The following ZBTB1 variants were observed in gnomAD, a reference collection of about 807,000 sequenced individuals.
ZBTB1 encodes the protein zinc finger and BTB domain containing 1, also known as zinc finger and BTB domain-containing protein 1.
In ZBTB1, 13 loss-of-function variants were observed where a neutral mutation model predicts 51.6. That is an observed-to-expected ratio of 0.25 (90% CI 0.16 to 0.40). ZBTB1 has a LOEUF of 0.40. ZBTB1 is among the 10% of genes least tolerant of loss of function. The probability of loss-of-function intolerance (pLI) is 1.00; values close to 1 mark genes in which losing one functional copy is unlikely to be tolerated. For missense variants in ZBTB1, 567 were observed against 856.5 expected (o/e 0.66, Z 4.22); for synonymous variants, 240 against 282.2 (o/e 0.85, Z 1.50).
At chr14:64,505,577 G>C (rs2079639842) in intron 1 of ZBTB1, among the ~76,000 whole-genome samples, 1 of 152,142 alleles carries the variant, frequency 6.6e-6, no homozygotes, top group Admixed American at 6.5e-5. Context: ...CTAGAAGTTC[G>C]GTAAATGTGT....
chr14:64,504,147 G>C (rs1457660699), upstream of ZBTB1: 1 of 152,848 alleles, frequency 6.5e-6, no homozygotes, highest in East Asian at 1.9e-4. Flanking sequence ...TGAGGGCGCG[G>C]GGCCAGGGAG....
chr14:64,522,579 G>C lies in ZBTB1; in HGVS notation c.1075G>C (p.Asp359His). The C allele has an allele frequency of 6.2e-7, 1 of 1,613,816 alleles. No individual in the cohort carries two copies. Among genetic ancestry groups the C allele is most frequent in the Non-Finnish European group, 8.5e-7 (1 of 1,179,934 alleles). The stretch of plus-strand genomic sequence containing the variant: ...AGACTGTAATGAATCCACTGACAAT[G>C]ATGAATTAGAAGATGAACCTGAAGA... ...DKDCNESTDN[D>H]ELEDEPEEPF... Residue 359 changes from aspartate (D) to histidine (H), a missense_variant, in exon 2 of 2, where the codon GAT becomes CAT. By Grantham distance (81) the Asp-to-His change is moderately conservative (BLOSUM62 -1). Around this residue, in one of 5 missense-constraint regions of ZBTB1, gnomAD observed 329 missense variants for 406.3 expected, o/e 0.81. Transcript: ENST00000683701.
At chr14:64,508,581 C>A (rs567987469) in intron 1 of ZBTB1, among the ~76,000 whole-genome samples, 1 of 152,212 alleles carries the variant, frequency 6.6e-6, no homozygotes. Context: ...GGCTTTGAAT[C>A]AAGAGTCTCA....
exon 3 of ZBTB1, chr14:64,533,570 G>A (rs1398766350): frequency 6.6e-6 from 1 of 152,328 alleles, no homozygotes; most frequent in Non-Finnish European, 1.5e-5. Flanking sequence ...TCTACAATGT[G>A]ATTATTTTCT....
chr14:64,505,123 T>G (rs1321184098), intron 1 of ZBTB1, 177 bp downstream of exon 1: 4 of 343,838 alleles, frequency 1.2e-5, no homozygotes, highest in Non-Finnish European at 2.1e-5. Flanking sequence ...CGCCTGCTTG[T>G]TGCCGGCGCG....
At chr14:64,527,422 A>C (rs1329430624), downstream of ZBTB1, among the ~76,000 whole-genome samples, 9 of 152,174 alleles carry the variant, frequency 5.9e-5, no homozygotes, top group African/African-American at 1.9e-4. Flanking sequence ...CAGCCTGGCC[A>C]ACATGGTGAA....
intron 1 of ZBTB1, among the ~76,000 whole-genome samples, chr14:64,520,136 G>C (rs1326437262): frequency 1.3e-5 from 2 of 151,954 alleles, no homozygotes; most frequent in East Asian, 3.9e-4. Flanking sequence ...TGAGTAGCTG[G>C]GAATACAGGC....
chr14:64,529,529 T>C (rs564316675), downstream of ZBTB1, among the ~76,000 whole-genome samples: 260 of 152,298 alleles, frequency 1.7e-3, 1 homozygote, highest in Non-Finnish European at 3.3e-3. Flanking sequence ...CCCAGCACTT[T>C]GAGAGACTGA....
At chr14:64,513,069 C>T (rs117996444) in intron 1 of ZBTB1, among the ~76,000 whole-genome samples, 2,761 of 151,982 alleles carry the variant, frequency 0.018, 37 homozygotes, top group Non-Finnish European at 0.029. Context: ...GGGTTTGTTA[C>T]GAGGATTAAA....
chr14:64,522,707 T>C lies in ZBTB1; in HGVS notation c.1203T>C (p.Gly401=). Residue 401 remains glycine (G), a synonymous_variant, in exon 2 of 2, where the codon GGT becomes GGC. Coordinates refer to ENST00000683701, the MANE Select transcript of ZBTB1 (RefSeq NM_001123329.2). ...RMSVSADERG[G]LENMRPPNNS... is the part of the protein sequence containing the mutation. ...CAGTAAGTGCTGATGAAAGAGGTGG[T>C]TTAGAGAATATGAGGCCCCCTAACA... is the stretch of plus-strand genomic sequence containing the variant. The C allele has an allele frequency of 6.2e-7, 1 of 1,614,122 alleles. No homozygotes were observed. Among genetic ancestry groups the C allele is most frequent in the South Asian group, 1.1e-5 (1 of 91,064 alleles).
intron 1 of ZBTB1, among the ~76,000 whole-genome samples, chr14:64,506,771 C>G (rs2079664337): frequency 6.6e-6 from 1 of 152,134 alleles, no homozygotes; most frequent in African/African-American, 2.4e-5. Context: ...AATACGATGG[C>G]CTACTTTTTT....
chr14:64,531,291 C>G (rs1411494079), intron 2 of ZBTB1, among the ~76,000 whole-genome samples: 3 of 151,716 alleles, frequency 2.0e-5, no homozygotes, highest in Non-Finnish European at 4.4e-5. Context: ...GCACTGTTGC[C>G]AAAAATATAA....
At chr14:64,506,457 T>G (rs1327219727) in intron 1 of ZBTB1, among the ~76,000 whole-genome samples, 1 of 152,054 alleles carries the variant, frequency 6.6e-6, no homozygotes, top group Non-Finnish European at 1.5e-5. Flanking sequence ...CGCTTGAACC[T>G]GGGAGGCGGA....
At chr14:64,527,450 A>G (rs1380077802), downstream of ZBTB1, among the ~76,000 whole-genome samples, 1 of 152,140 alleles carries the variant, frequency 6.6e-6, no homozygotes, top group Non-Finnish European at 1.5e-5. Flanking sequence ...CTCTACTAAA[A>G]ATACAAAAAA....
At chr14:64,513,512 C>T (rs1489230467) in intron 1 of ZBTB1, among the ~76,000 whole-genome samples, 1 of 152,120 alleles carries the variant, frequency 6.6e-6, no homozygotes, top group Non-Finnish European at 1.5e-5. Flanking sequence ...TATAAATACT[C>T]GAAATGCCTC....
intron 1 of ZBTB1, among the ~76,000 whole-genome samples, chr14:64,519,050 A>AT (rs2079829612): frequency 6.7e-6 from 1 of 150,250 alleles, no homozygotes; most frequent in African/African-American, 2.4e-5. Context: ...ATCTGAAGGT[A>AT]TATAATCCAG....
chr14:64,504,885 C>T lies in ZBTB1; in HGVS notation c.-80C>T. On this transcript the variant is annotated 5_prime_UTR_variant, in exon 1 of 2. Coordinates refer to ENST00000683701, the MANE Select transcript of ZBTB1 (RefSeq NM_001123329.2). ...GGCCCCTTCGCCTTCGCCCGCCTTT[C>T]CCGCGGCTGATTTGCCTTAAACTCC... 2.5e-6 allele frequency: 1 copy of T among 396,722 alleles called. No individual in the cohort carries two copies. Among genetic ancestry groups the T allele is most frequent in the East Asian group, 3.6e-5 (1 of 27,912 alleles). The allele number at this position is 396,722 out of a possible 1,614,324, so 24.6% of individuals were successfully genotyped here.
chr14:64,525,854 A>T (rs992820974), downstream of ZBTB1, among the ~76,000 whole-genome samples: 2 of 151,876 alleles, frequency 1.3e-5, no homozygotes, highest in Non-Finnish European at 2.9e-5. Flanking sequence ...ACGGAGTCTT[A>T]CTCTTGCCCA....
intron 1 of ZBTB1, among the ~76,000 whole-genome samples, chr14:64,512,917 C>T (rs2079740236): frequency 6.6e-6 from 1 of 152,122 alleles, no homozygotes; most frequent in African/African-American, 2.4e-5. Context: ...TCTTTAAGGT[C>T]ATGATCTTGG....
Sources: allele counts gnomAD v4.1 joint callset (sites outside exome capture counted in the v4.1 genomes callset), GRCh38; gene constraint gnomAD v4.1.1; regional missense constraint gnomAD v4.1.1; transcripts MANE v1.5; gene names NCBI Gene and HGNC (gene_info 2026-07-23, HGNC 2026-07-21).